JAKMIP1: variants seen among roughly 807,000 people sequenced by gnomAD.
The protein encoded by JAKMIP1 is janus kinase and microtubule interacting protein 1.
Under a neutral mutation model 113.0 loss-of-function variants are expected in JAKMIP1, and 33 were observed. That is an observed-to-expected ratio of 0.29 (90% CI 0.22 to 0.39). JAKMIP1 has a LOEUF of 0.39. JAKMIP1 is among the 10% of genes least tolerant of loss of function. The pLI, the probability that JAKMIP1 is intolerant of heterozygous loss-of-function variation, is 1.00. For synonymous variants in JAKMIP1, 480 were observed against 459.9 expected (o/e 1.04, Z -0.56); for missense variants, 813 against 1,080.5 (o/e 0.75, Z 3.47).
chr4:6,137,184 T>A lies in JAKMIP1; in HGVS notation c.-147-24187A>T, dbSNP rs573175603. 2.8e-4 allele frequency among the ~76,000 whole-genome samples: 42 copies of A among 152,242 alleles called. No individual in the cohort carries two copies. The highest frequency in any genetic ancestry group is 8.9e-4 in the African/African-American group (37 of 41,544). Reference sequence around the variant, plus strand: ...CTTGCAGAGCCTCCCCCATAGGGCTTGGAATCGAGCCACATGCAGCTCTGC... The same window carrying A: ...CTTGCAGAGCCTCCCCCATAGGGCTAGGAATCGAGCCACATGCAGCTCTGC... On this transcript the variant is annotated intron_variant, in intron 1 of 20. Transcript: ENST00000409021. The surrounding 1 kb of genome is among the most constrained non-coding windows in gnomAD (Gnocchi z 4.5).
Position 6,080,280 on chromosome 4 carries a change from C to T in JAKMIP1, c.1134G>A (p.Lys378=). The T allele has an allele frequency of 6.2e-7, 1 of 1,614,196 alleles. No individual in the cohort carries two copies. The highest frequency in any genetic ancestry group is 8.5e-7 in the Non-Finnish European group (1 of 1,180,004). The change falls in exon 7 of 21, where the codon AAG becomes AAA. Residue 378 remains lysine (K), a synonymous_variant. Transcript: ENST00000409021. This position sits in a 1 kb window ranked among gnomAD's most constrained non-coding sequence, Gnocchi z 6.0. The stretch of plus-strand genomic sequence containing the variant: ...TGAGGTCATTCAAGGAGGTATGCCG[C>T]TTCAGAGACGCCTGCGCTGACAGCT... The part of the protein sequence containing the change: ...KEKLSAQASL[K]RHTSLNDLSL...
chr4:6,129,331 C>A lies in JAKMIP1; in HGVS notation c.-147-16334G>T, dbSNP rs949408602. 3.9e-5 allele frequency among the ~76,000 whole-genome samples: 6 copies of A among 152,228 alleles called. No individual in the cohort carries two copies. Among genetic ancestry groups the A allele is most frequent in the African/African-American group, 1.4e-4 (6 of 41,470 alleles). ...GGCCCCACCCCATGCCAGCCAGGAA[C>A]CATTGATATTTAAATGTGGCCTTTG... On this transcript the variant is annotated intron_variant, in intron 1 of 20. Transcript: ENST00000409021. The surrounding 1 kb of genome is among the most constrained non-coding windows in gnomAD (Gnocchi z 5.4).
At chr4:6,077,691 C>T (rs926886828) in intron 8 of JAKMIP1, among the ~76,000 whole-genome samples, 2 of 151,532 alleles carry the variant, frequency 1.3e-5, no homozygotes, top group Non-Finnish European at 2.9e-5. Flanking sequence ...GCTATGTTGC[C>T]CAGGCTGATC....
At chr4:6,104,123 A>G (rs1713523385) in intron 3 of JAKMIP1, among the ~76,000 whole-genome samples, 1 of 152,176 alleles carries the variant, frequency 6.6e-6, no homozygotes, top group Non-Finnish European at 1.5e-5. Flanking sequence ...ACAACCCACA[A>G]ATTTTGAAAT....
Position 6,089,054 on chromosome 4 carries a change from TC to T in JAKMIP1, c.625-3426del, listed in dbSNP as rs1362305168. On this transcript the variant is annotated intron_variant, in intron 3 of 20. Transcript: ENST00000409021. The surrounding 1 kb of genome is among the most constrained non-coding windows in gnomAD (Gnocchi z 5.3). ...CCAGAAGTAGGCAGCACCAGGATCC[TC>T]CTGTTTTTCTTTAGGAGCTAAGAAA... Among the ~76,000 whole-genome samples, 1 of 152,228 alleles carries T rather than the reference TC, an allele frequency of 6.6e-6. No homozygotes were observed. Among genetic ancestry groups the T allele is most frequent in the Non-Finnish European group, 1.5e-5 (1 of 68,036 alleles).
In JAKMIP1 at chr4:6,182,701, A is replaced by T. The variant is rs115789614; in HGVS notation, c.-148+17552T>A. ...GTCTGAGACAGTAGGTAACAGCAGG[A>T]GCATCAGGAGATAAGGCCACATGTG... On this transcript the variant is annotated intron_variant, in intron 1 of 20. Coordinates refer to ENST00000409021, the MANE Select transcript of JAKMIP1 (RefSeq NM_001099433.2). 4.6e-3 allele frequency among the ~76,000 whole-genome samples: 697 copies of T among 152,346 alleles called. 2 individuals are homozygous for T. The highest frequency in any genetic ancestry group is 0.014 in the African/African-American group (591 of 41,574).
chr4:6,128,436 A>G (rs1718046556), intron 1 of JAKMIP1, among the ~76,000 whole-genome samples: 1 of 152,182 alleles, frequency 6.6e-6, no homozygotes. Flanking sequence ...GAATGAGCTC[A>G]GAAGGGACCA....
rs141572234 is a variant in JAKMIP1 at position 6,094,293 on chromosome 4, G to A, written c.625-8664C>T. Among the ~76,000 whole-genome samples the A allele has an allele frequency of 4.3e-4, 66 of 152,270 alleles. No homozygotes were observed. Among genetic ancestry groups the A allele is most frequent in the Admixed American group, 7.2e-4 (11 of 15,302 alleles). On this transcript the variant is annotated intron_variant, in intron 3 of 20. Coordinates refer to ENST00000409021, the MANE Select transcript of JAKMIP1 (RefSeq NM_001099433.2). This position sits in a 1 kb window ranked among gnomAD's most constrained non-coding sequence, Gnocchi z 4.2. ...CCGGAAAATATATAGCCTCTCTTCC[G>A]TAATTTTCTGGCAAAAAAAGAAAGA... is the stretch of plus-strand genomic sequence containing the variant.
At chr4:6,125,783 AACACACACACACCATACAGAAACACAC>A (rs1717387727) in intron 1 of JAKMIP1, among the ~76,000 whole-genome samples, 2 of 141,558 alleles carry the variant, frequency 1.4e-5, no homozygotes, top group African/African-American at 2.7e-5. Flanking sequence ...ACCATGCAGA[AACACACACACACCATACAGAAACACAC>A]ACACACACCA....
chr4:6,063,372 C>T (rs1425607346), intron 9 of JAKMIP1, among the ~76,000 whole-genome samples: 1 of 152,232 alleles, frequency 6.6e-6, no homozygotes, highest in African/African-American at 2.4e-5. Flanking sequence ...CTGAAAATCA[C>T]GCATCCTGTT....
intron 3 of JAKMIP1, among the ~76,000 whole-genome samples, chr4:6,092,076 C>A (rs1450818947): frequency 6.6e-6 from 1 of 152,146 alleles, no homozygotes; most frequent in Admixed American, 6.6e-5. Flanking sequence ...ATCAAATCAT[C>A]AGGACTTTTT....
chr4:6,148,099 AG>A (rs1407898421), intron 1 of JAKMIP1, among the ~76,000 whole-genome samples: 1 of 152,226 alleles, frequency 6.6e-6, no homozygotes, highest in Non-Finnish European at 1.5e-5. Flanking sequence ...CGAGTGCAGA[AG>A]TGAAAATTAG....
rs1043663683 is a variant in JAKMIP1 at position 6,156,142 on chromosome 4, T to C, written c.-147-43145A>G. On this transcript the variant is annotated intron_variant, in intron 1 of 20. Coordinates refer to ENST00000409021, the MANE Select transcript of JAKMIP1 (RefSeq NM_001099433.2). This position sits in a 1 kb window ranked among gnomAD's most constrained non-coding sequence, Gnocchi z 5.0. ...AATACCTGACCCATCTGTGTGTTTC[T>C]TGGGAGCAGAGACCGGGAACATCTT... 3.3e-5 allele frequency among the ~76,000 whole-genome samples: 5 copies of C among 152,202 alleles called. No homozygotes were observed. The highest frequency in any genetic ancestry group is 5.9e-5 in the Non-Finnish European group (4 of 68,046).
intron 1 of JAKMIP1, among the ~76,000 whole-genome samples, chr4:6,133,499 G>T (rs1349652355): frequency 6.6e-6 from 1 of 152,182 alleles, no homozygotes; most frequent in Non-Finnish European, 1.5e-5. Context: ...ATCCTTCCCA[G>T]CCTGACGCAA....
rs1331875631 is a variant in JAKMIP1, at chr4:6,067,587, G to GCTCTT, written c.1303-2584_1303-2580dup. ...GGAGTGATGCATCTGCAGCACTCAA[G>GCTCTT]CTCTTCTGCACACACAGGTCACCCC... On this transcript the variant is annotated intron_variant, in intron 8 of 20. Coordinates refer to ENST00000409021, the MANE Select transcript of JAKMIP1 (RefSeq NM_001099433.2). This position sits in a 1 kb window ranked among gnomAD's most constrained non-coding sequence, Gnocchi z 4.6. Among the ~76,000 whole-genome samples the GCTCTT allele has an allele frequency of 6.6e-6, 1 of 151,514 alleles. No homozygotes were observed. Among genetic ancestry groups the GCTCTT allele is most frequent in the African/African-American group, 2.4e-5 (1 of 41,022 alleles).
rs139199342 is a variant in JAKMIP1, at chr4:6,181,599, A to C, written c.-148+18654T>G. 4.7e-3 allele frequency among the ~76,000 whole-genome samples: 717 copies of C among 152,292 alleles called. 19 individuals are homozygous for C. Among genetic ancestry groups the C allele is most frequent in the Admixed American group, 0.04 (619 of 15,296 alleles). ...AGCGTGGTGAGGGAAGGGACATCCA[A>C]AGTGGGCTGTGGAAGGGGTGAAATC... On this transcript the variant is annotated intron_variant, in intron 1 of 20. Transcript: ENST00000409021. The surrounding 1 kb of genome is among the most constrained non-coding windows in gnomAD (Gnocchi z 5.4).
At chr4:6,115,104 G>A (rs1715540158) in intron 1 of JAKMIP1, among the ~76,000 whole-genome samples, 1 of 152,130 alleles carries the variant, frequency 6.6e-6, no homozygotes, top group Non-Finnish European at 1.5e-5. Context: ...CACAAAGAGT[G>A]AAAAAGGTGA....
rs1719745385 is a variant in JAKMIP1 at position 6,076,724 on chromosome 4, A to T, written c.1302+2215T>A. 6.6e-6 allele frequency among the ~76,000 whole-genome samples: 1 copy of T among 152,242 alleles called. No individual in the cohort carries two copies. Among genetic ancestry groups the T allele is most frequent in the Admixed American group, 6.5e-5 (1 of 15,284 alleles). On this transcript the variant is annotated intron_variant, in intron 8 of 20. Transcript: ENST00000409021. This position sits in a 1 kb window ranked among gnomAD's most constrained non-coding sequence, Gnocchi z 4.8. ...TTTGGATGTTTTTTCAGATTTTGGA[A>T]TATTTGCATAAACAGAATAAGGTAT...
chr4:6,054,138 A>T lies in JAKMIP1; in HGVS notation c.1718T>A (p.Leu573Gln). Reference sequence around the variant, plus strand: ...CTTCAGCTGGTTCTCTTCCATTTCCAGTCTGTAAATCTAGAGCAAAGATAC... The same window carrying T: ...CTTCAGCTGGTTCTCTTCCATTTCCTGTCTGTAAATCTAGAGCAAAGATAC... The part of the protein sequence containing the change: ...NQDLLEKIYR[L>Q]EMEENQLKNE... Residue 573 changes from leucine (L) to glutamine (Q), a missense_variant, in exon 13 of 21, where the codon CTG becomes CAG. Physicochemically the swap from Leu to Gln is moderately radical, Grantham distance 113. This residue lies in a region of JAKMIP1 where 273 missense variants were observed against 426.6 expected (regional missense o/e 0.64). Coordinates refer to ENST00000409021, the MANE Select transcript of JAKMIP1 (RefSeq NM_001099433.2). 1.9e-6 allele frequency: 3 copies of T among 1,614,128 alleles called. No individual in the cohort carries two copies. Among genetic ancestry groups the T allele is most frequent in the Non-Finnish European group, 2.5e-6 (3 of 1,180,016 alleles).
Sources: allele counts gnomAD v4.1 joint callset (sites outside exome capture counted in the v4.1 genomes callset), GRCh38; gene constraint gnomAD v4.1.1; regional missense constraint gnomAD v4.1.1; non-coding constraint Gnocchi (gnomAD v3.1); transcripts MANE v1.5; gene names NCBI Gene and HGNC (gene_info 2026-07-23, HGNC 2026-07-21).